FOXP1: variants seen among roughly 807,000 people sequenced by gnomAD.
The protein encoded by FOXP1 is forkhead box protein P1.
FOXP1 carries 15 observed loss-of-function variants against 98.2 expected under a neutral mutation model. The observed-to-expected ratio is 0.15, with a 90% CI of 0.10 to 0.24. The LOEUF is 0.24. Among genes scored for constraint, FOXP1 ranks in the 10% least tolerant of loss-of-function variants. The pLI, the probability that FOXP1 is intolerant of heterozygous loss-of-function variation, is 1.00. For synonymous variants in FOXP1, 371 were observed against 314.5 expected (o/e 1.18, Z -1.90); for missense variants, 633 against 848.5 (o/e 0.75, Z 3.15).
intron 3 of FOXP1, among the ~76,000 whole-genome samples, chr3:71,385,208 C>T (rs559946808): frequency 7.4e-4 from 113 of 152,174 alleles, no homozygotes; most frequent in Non-Finnish European, 1.2e-3. Context: ...AGAGACATAC[C>T]AACCCAAATG....
intron 7 of FOXP1, among the ~76,000 whole-genome samples, chr3:71,074,361 G>A (rs2053583355): frequency 6.6e-6 from 1 of 152,090 alleles, no homozygotes; most frequent in Admixed American, 6.5e-5. Context: ...CCAGTAGCTG[G>A]GACTACAGGT....
chr3:71,385,515 C>T (rs994997098), intron 3 of FOXP1, among the ~76,000 whole-genome samples: 2 of 152,188 alleles, frequency 1.3e-5, no homozygotes, highest in African/African-American at 4.8e-5. Context: ...CTACCCCACT[C>T]TTCCTCTCCC....
At chr3:71,133,678 A>T (rs1356112253) in intron 6 of FOXP1, among the ~76,000 whole-genome samples, 2 of 137,832 alleles carry the variant, frequency 1.5e-5, no homozygotes, top group African/African-American at 5.6e-5. Context: ...TCCTCTAAAT[A>T]AAAAAAAAAA....
intron 7 of FOXP1, among the ~76,000 whole-genome samples, chr3:71,064,601 G>A (rs73119663): frequency 0.05 from 7,590 of 150,822 alleles, 288 homozygotes; most frequent in East Asian, 0.12. Flanking sequence ...CCACAGGCCT[G>A]CAGCTCCTTT....
intron 5 of FOXP1, among the ~76,000 whole-genome samples, chr3:71,263,309 C>CT (rs1265590441): frequency 6.6e-6 from 1 of 152,156 alleles, no homozygotes; most frequent in East Asian, 1.9e-4. Context: ...AAAACCGAGC[C>CT]TGTGCAACAC....
At chr3:71,042,746 A>G (rs888824599) in intron 10 of FOXP1, among the ~76,000 whole-genome samples, 2 of 152,222 alleles carry the variant, frequency 1.3e-5, no homozygotes, top group African/African-American at 2.4e-5. Flanking sequence ...ATTAAAAAAG[A>G]AGGCTGTGTG....
Position 71,224,781 on chromosome 3 carries a change from T to C in FOXP1, c.-11-26389A>G, listed in dbSNP as rs182189439. ...ATCAAATTAGAAAATAATCACAGATTAGCACTGTAGGCCAAGGACACCCGA... is the reference window on the plus strand; with the variant it reads ...ATCAAATTAGAAAATAATCACAGATCAGCACTGTAGGCCAAGGACACCCGA... On this transcript the variant is annotated intron_variant, in intron 5 of 20. Coordinates refer to ENST00000649528, the MANE Select transcript of FOXP1 (RefSeq NM_001349338.3). 5.3e-5 allele frequency among the ~76,000 whole-genome samples: 8 copies of C among 152,320 alleles called. No homozygotes were observed. The East Asian group carries it at 1.5e-3, about 29-fold the overall frequency.
At chr3:71,495,491 T>A (rs1485821973) in intron 2 of FOXP1, among the ~76,000 whole-genome samples, 1 of 152,240 alleles carries the variant, frequency 6.6e-6, no homozygotes, top group Non-Finnish European at 1.5e-5. Context: ...TTTGAGTGAA[T>A]AAATGAATCA....
At chr3:71,308,749 A>ATGTGTGTGTGTG (rs71104439) in intron 4 of FOXP1, among the ~76,000 whole-genome samples, 85 of 132,284 alleles carry the variant, frequency 6.4e-4, no homozygotes, top group East Asian at 4.6e-3. Flanking sequence ...TTCTACCACA[A>ATGTGTGTGTGTG]TGTGTGTGTG....
At chr3:70,971,009 C>G (rs1256846770) in intron 18 of FOXP1, 1 of 572,746 alleles carries the variant, frequency 1.7e-6, no homozygotes, top group Non-Finnish European at 3.1e-6. Flanking sequence ...CTTCTCTATT[C>G]AAGGAAACTA....
chr3:71,438,334 G>T (rs1441771203), intron 3 of FOXP1, among the ~76,000 whole-genome samples: 1 of 152,156 alleles, frequency 6.6e-6, no homozygotes, highest in African/African-American at 2.4e-5. Context: ...GAAAGTACTG[G>T]TGTTTTTGGA....
chr3:71,250,668 G>A (rs2068112559), intron 5 of FOXP1, among the ~76,000 whole-genome samples: 1 of 152,202 alleles, frequency 6.6e-6, no homozygotes, highest in African/African-American at 2.4e-5. Context: ...AGTGGCTCAC[G>A]CCTGTAATCC....
At chr3:71,521,870 T>C (rs2043017999) in intron 2 of FOXP1, among the ~76,000 whole-genome samples, 2 of 152,192 alleles carry the variant, frequency 1.3e-5, no homozygotes, top group East Asian at 3.9e-4. Context: ...GAACTGCTCA[T>C]GGAAAGGCGC....
chr3:71,451,201 T>C (rs967756420), intron 3 of FOXP1, among the ~76,000 whole-genome samples: 1 of 152,184 alleles, frequency 6.6e-6, no homozygotes, highest in Non-Finnish European at 1.5e-5. Context: ...TGGACACAAG[T>C]ATTGCCCACC....
rs78372139 is a variant in FOXP1 at position 71,311,466 on chromosome 3, A to G, written c.-72-11586T>C. On this transcript the variant is annotated intron_variant, in intron 4 of 20. Transcript: ENST00000649528. ...AGTAAATACAGAATGAGTGAATAACACTAATCAGTGTATGAGTGGAACAAA... is the reference window on the plus strand; with the variant it reads ...AGTAAATACAGAATGAGTGAATAACGCTAATCAGTGTATGAGTGGAACAAA... Among the ~76,000 whole-genome samples the G allele has an allele frequency of 7.3e-3, 1,119 of 152,330 alleles. 30 individuals carry two copies. The highest frequency in any genetic ancestry group is 4.7e-3 in the Non-Finnish European group (320 of 68,038).
At chr3:71,146,825 G>T (rs892685547) in intron 6 of FOXP1, among the ~76,000 whole-genome samples, 2 of 152,230 alleles carry the variant, frequency 1.3e-5, no homozygotes, top group Non-Finnish European at 2.9e-5. Context: ...AAGACAAAGT[G>T]CAAGGAAAGC....
At chr3:71,474,772 T>C (rs906352773) in intron 3 of FOXP1, among the ~76,000 whole-genome samples, 16 of 152,036 alleles carry the variant, frequency 1.1e-4, no homozygotes, top group Non-Finnish European at 7.4e-5. Context: ...TTCTATATTA[T>C]GGTGAGTTGT....
chr3:71,581,435 C>A, intron 2 of FOXP1, 114 bp downstream of exon 2: 1 of 985,526 alleles, frequency 1.0e-6, no homozygotes, highest in Non-Finnish European at 1.2e-6. Context: ...CTCCCGGTGC[C>A]TTATCGCTAG....
At chr3:71,466,788 G>A (rs2088796369) in intron 3 of FOXP1, among the ~76,000 whole-genome samples, 1 of 152,204 alleles carries the variant, frequency 6.6e-6, no homozygotes, top group African/African-American at 2.4e-5. Flanking sequence ...AGGGCAGGGG[G>A]TTGCATCTTC....
Sources: gnomAD v4.1 joint callset for allele counts (sites outside exome capture counted in the v4.1 genomes callset) on GRCh38, gnomAD v4.1.1 for gene constraint, MANE v1.5 for transcripts, NCBI Gene and HGNC (gene_info 2026-07-23, HGNC 2026-07-21) for gene names.